PKN2: variants seen among roughly 807,000 people sequenced by gnomAD.
The protein encoded by PKN2 is serine/threonine-protein kinase N2.
PKN2 carries 38 observed loss-of-function variants against 119.1 expected under a neutral mutation model. That is an observed-to-expected ratio of 0.32 (90% confidence interval 0.25 to 0.42). PKN2 has a LOEUF of 0.42. Among genes scored for constraint, PKN2 ranks in the 10% least tolerant of loss-of-function variants. PKN2 has a pLI of 1.00. For missense variants in PKN2, 850 were observed against 1,165.1 expected (o/e 0.73, Z 3.94); for synonymous variants, 390 against 384.9 (o/e 1.01, Z -0.15).
intron 1 of PKN2, chr1:88,685,346 A>G (rs1339248976): frequency 6.6e-6 from 1 of 150,830 alleles, no homozygotes; most frequent in Non-Finnish European, 1.5e-5. Flanking sequence ...TGCTTTTCAG[A>G]CTTTCATTTT....
intron 3 of PKN2, among the ~76,000 whole-genome samples, chr1:88,764,624 A>G (rs1570595473): frequency 2.0e-5 from 3 of 152,070 alleles, no homozygotes; most frequent in Admixed American, 1.3e-4. Context: ...CCTCTGGCCC[A>G]TAATTTACAC....
chr1:88,825,813 A>G (rs1022252562), intron 18 of PKN2, among the ~76,000 whole-genome samples: 2 of 152,200 alleles, frequency 1.3e-5, no homozygotes, highest in African/African-American at 4.8e-5. Flanking sequence ...AGTGGCTAGG[A>G]TAAGGTGACA....
chr1:88,786,490 T>C (rs565647982), intron 8 of PKN2, among the ~76,000 whole-genome samples: 1 of 152,344 alleles, frequency 6.6e-6, no homozygotes, highest in Non-Finnish European at 1.5e-5. Context: ...TTGAAGCATA[T>C]TGGTGATCTT....
intron 6 of PKN2, among the ~76,000 whole-genome samples, chr1:88,782,534 C>G: frequency 6.6e-6 from 1 of 152,038 alleles, no homozygotes; most frequent in Non-Finnish European, 1.5e-5. Flanking sequence ...TTAGTGTCTT[C>G]TATTTTTGAT....
intron 1 of PKN2, among the ~76,000 whole-genome samples, chr1:88,725,505 A>T (rs1667860463): frequency 6.6e-6 from 1 of 152,136 alleles, no homozygotes; most frequent in Non-Finnish European, 1.5e-5. Flanking sequence ...ATAGCTAATG[A>T]TGTTGGCAAT....
intron 1 of PKN2, among the ~76,000 whole-genome samples, chr1:88,699,908 G>A (rs536938706): frequency 2.0e-5 from 3 of 151,886 alleles, no homozygotes; most frequent in African/African-American, 4.8e-5. Flanking sequence ...TCAGCTTCCC[G>A]AGTAGCTAGG....
At chr1:88,828,428 T>TA (rs1490789202) in intron 18 of PKN2, 53 bp from the exon 19 acceptor site, 5 of 1,487,988 alleles carry the variant, frequency 3.4e-6, no homozygotes, top group South Asian at 1.2e-5. Context: ...ATTTTTTTTT[T>TA]ATGCTAGATT....
chr1:88,713,434 A>ATCTG (rs1365322865), intron 1 of PKN2, among the ~76,000 whole-genome samples: 2 of 152,160 alleles, frequency 1.3e-5, no homozygotes, highest in African/African-American at 4.8e-5. Context: ...CCTCTCCAGC[A>ATCTG]TCTGTTGTTT....
intron 2 of PKN2, among the ~76,000 whole-genome samples, chr1:88,751,373 C>CACAT (rs1428337255): frequency 6.8e-6 from 1 of 146,004 alleles, no homozygotes; most frequent in Non-Finnish European, 1.5e-5. Context: ...TATATATTTA[C>CACAT]ACATACACAC....
At chr1:88,702,785 A>C (rs1285637225) in intron 1 of PKN2, among the ~76,000 whole-genome samples, 1 of 151,894 alleles carries the variant, frequency 6.6e-6, no homozygotes, top group African/African-American at 2.4e-5. Context: ...TTTCAGTTGA[A>C]AACTATTTTT....
At chr1:88,736,129 ATTCATTTTG>A in intron 1 of PKN2, among the ~76,000 whole-genome samples, 1 of 152,114 alleles carries the variant, frequency 6.6e-6, no homozygotes, top group African/African-American at 2.4e-5. Context: ...TCTCTACTGC[ATTCATTTTG>A]TTCATCGTAT....
chr1:88,692,065 A>T (rs1666357327), intron 1 of PKN2, among the ~76,000 whole-genome samples: 1 of 152,022 alleles, frequency 6.6e-6, no homozygotes, highest in African/African-American at 2.4e-5. Flanking sequence ...GGACATATAA[A>T]TCTAAACATC....
At chr1:88,749,920 A>G (rs558622188) in intron 2 of PKN2, among the ~76,000 whole-genome samples, 1 of 152,326 alleles carries the variant, frequency 6.6e-6, no homozygotes, top group East Asian at 1.9e-4. Flanking sequence ...TGGCTATTCA[A>G]GTACCACTTT....
Position 88,833,337 on chromosome 1 carries a change from T to C in PKN2, c.2844T>C (p.Asp948=). Residue 948 remains aspartate (D), a synonymous_variant, in exon 22 of 22, where the codon GAT becomes GAC. Coordinates refer to ENST00000370521, the MANE Select transcript of PKN2 (RefSeq NM_006256.4). ...GAGAAGATGTTAGTAATTTTGATGATGAATTTACCTCAGAAGCACCTATTC... is the reference window on the plus strand; with the variant it reads ...GAGAAGATGTTAGTAATTTTGATGACGAATTTACCTCAGAAGCACCTATTC... ...RGREDVSNFD[D]EFTSEAPILT... 6.2e-7 allele frequency: 1 copy of C among 1,613,364 alleles called. No individual in the cohort carries two copies. The highest frequency in any genetic ancestry group is 8.5e-7 in the Non-Finnish European group (1 of 1,179,416).
intron 16 of PKN2, among the ~76,000 whole-genome samples, chr1:88,814,482 G>A (rs992815693): frequency 3.3e-5 from 5 of 152,106 alleles, no homozygotes; most frequent in African/African-American, 1.2e-4. Context: ...CCAAATTTGT[G>A]TTTCCAGCCC....
chr1:88,779,456 G>C (rs927279140), intron 6 of PKN2, among the ~76,000 whole-genome samples: 2 of 150,222 alleles, frequency 1.3e-5, no homozygotes, highest in African/African-American at 4.9e-5. Context: ...TTTATTAAAG[G>C]AATATACTTT....
intron 2 of PKN2, among the ~76,000 whole-genome samples, chr1:88,756,651 C>G (rs1385690864): frequency 6.6e-6 from 1 of 152,108 alleles, no homozygotes; most frequent in Non-Finnish European, 1.5e-5. Flanking sequence ...GTAATTTACA[C>G]TTCTTACAAG....
chr1:88,831,212 C>T (rs558954253), intron 19 of PKN2, among the ~76,000 whole-genome samples: 2 of 151,886 alleles, frequency 1.3e-5, no homozygotes, highest in East Asian at 3.9e-4. Context: ...TGTTAGCTTT[C>T]AGTTGTTAGC....
intron 1 of PKN2, among the ~76,000 whole-genome samples, chr1:88,695,160 G>A (rs556470832): frequency 7.2e-5 from 11 of 152,134 alleles, no homozygotes; most frequent in African/African-American, 2.4e-4. Flanking sequence ...TCTGTCAGAC[G>A]TCTTTATAAT....
Sources: gnomAD v4.1 joint callset for allele counts (sites outside exome capture counted in the v4.1 genomes callset) on GRCh38, gnomAD v4.1.1 for gene constraint, MANE v1.5 for transcripts, NCBI Gene and HGNC (gene_info 2026-07-23, HGNC 2026-07-21) for gene names.